TP53I13: variants seen among roughly 807,000 people sequenced by gnomAD.
TP53I13 encodes tumor protein p53 inducible protein 13.
A neutral mutation model predicts 39.1 loss-of-function variants in TP53I13; 27 were observed. The observed-to-expected ratio is 0.69, with a 90% confidence interval of 0.51 to 0.95. The LOEUF (loss-of-function observed/expected upper bound fraction) is 0.95, where lower values mean the gene tolerates loss of function less well. Ranked by LOEUF, TP53I13 falls within the 40% of genes least tolerant of loss-of-function variation. The pLI is 0.00. For synonymous variants in TP53I13, 230 were observed against 224.6 expected (o/e 1.02, Z -0.22); for missense variants, 544 against 520.4 (o/e 1.05, Z -0.44).
downstream of TP53I13, chr17:29,576,144 G>T (rs376729227): frequency 4.3e-6 from 7 of 1,613,372 alleles, no homozygotes; most frequent in Non-Finnish European, 5.9e-6. Flanking sequence ...GGGGATGTTA[G>T]CACAGCGAGC....
upstream of TP53I13, chr17:29,566,526 G>A: frequency 6.2e-7 from 1 of 1,610,256 alleles, no homozygotes; most frequent in Non-Finnish European, 8.5e-7. Context: ...TGATCCGGCG[G>A]CCCCGAACAC....
intron 2 of TP53I13, 42 bp downstream of exon 2, chr17:29,569,128 G>A: frequency 6.4e-7 from 1 of 1,556,896 alleles, no homozygotes; most frequent in Non-Finnish European, 8.7e-7. Flanking sequence ...GATGTGAAAG[G>A]CTAGCCCAGT....
the TP53I13 span, chr17:29,582,225 CT>C: frequency 8.4e-6 from 9 of 1,068,546 alleles, no homozygotes; most frequent in Non-Finnish European, 1.2e-5. Flanking sequence ...CTGGCTGCCC[CT>C]GGGACACCTA....
At chr17:29,575,725 C>T (rs747090312), downstream of TP53I13, 4 of 1,611,894 alleles carry the variant, frequency 2.5e-6, no homozygotes, top group Admixed American at 1.7e-5. The surrounding 1 kb of genome is among the most constrained non-coding windows in gnomAD (Gnocchi z 5.5). Flanking sequence ...AGGGAAGGGG[C>T]TGTGAGCGCC....
At position 29,572,290 on chromosome 17, in the gene TP53I13, G is replaced by C. The variant is rs374734172; in HGVS notation, c.662G>C (p.Arg221Thr). The change falls in exon 6 of 7, where the codon AGG becomes ACG. Residue 221 changes from arginine to threonine, a missense_variant. Arg to Thr is a moderately conservative substitution (Grantham distance 71). Transcript: ENST00000301057. The part of the protein sequence containing the change: ...LGPQPTRSAL[R>T]FPSASPGSLK... ...CCCCAGCCCACTCGCTCAGCCCTGA[G>C]GTTTCCCTCTGCTTCCCCAGGGAGC... 144 of 1,612,810 alleles carry C rather than the reference G, an allele frequency of 8.9e-5. 2 individuals carry two copies. Among genetic ancestry groups the C allele is most frequent in the East Asian group, 5.6e-4 (25 of 44,882 alleles).
chr17:29,578,919 C>A, the TP53I13 span: 1 of 1,607,276 alleles, frequency 6.2e-7, no homozygotes, highest in Non-Finnish European at 8.5e-7. Context: ...CCTCCCCGCC[C>A]TACCCCACCT....
chr17:29,574,948 CT>C (rs767429818), downstream of TP53I13: 135 of 1,523,430 alleles, frequency 8.9e-5, no homozygotes, highest in Non-Finnish European at 1.2e-4. Context: ...GGACCTTGGA[CT>C]TTAAGCCACC....
Position 29,569,378 on chromosome 17 carries a change from C to T in TP53I13, c.183+19C>T. Reference sequence around the variant, plus strand: ...AGGGCAGGTGAGTACAAGCAGGGGCCCACCACCCTTGGTGTCCACGCCTGG... The same window carrying T: ...AGGGCAGGTGAGTACAAGCAGGGGCTCACCACCCTTGGTGTCCACGCCTGG... On this transcript the variant is annotated intron_variant, in intron 3 of 6. Coordinates refer to ENST00000301057, the MANE Select transcript of TP53I13 (RefSeq NM_138349.4). The T allele has an allele frequency of 6.2e-7, 1 of 1,612,790 alleles. No individual in the cohort carries two copies. The highest frequency in any genetic ancestry group is 8.5e-7 in the Non-Finnish European group (1 of 1,179,432).
At position 29,572,478 on chromosome 17, in the gene TP53I13, T is replaced by G. The variant is rs1023327456; in HGVS notation, c.850T>G (p.Ser284Ala). Residue 284 changes from serine to alanine, a missense_variant, in exon 6 of 7, where the codon TCA becomes GCA. Coordinates refer to ENST00000301057, the MANE Select transcript of TP53I13 (RefSeq NM_138349.4). ...AGGCAGCCCAGGGGGCTGTGTCTGTTCAAGTCAGGCTTCCCCGGCCCCTCG... is the reference window on the plus strand; with the variant it reads ...AGGCAGCCCAGGGGGCTGTGTCTGTGCAAGTCAGGCTTCCCCGGCCCCTCG... ...GQGSPGGCVCSSQASPAPRAA... is the reference protein window; with the variant it reads ...GQGSPGGCVCASQASPAPRAA... 1.3e-6 allele frequency: 2 copies of G among 1,595,998 alleles called. No individual in the cohort carries two copies. Among genetic ancestry groups the G allele is most frequent in the African/African-American group, 2.7e-5 (2 of 74,542 alleles).
rs896690006 is a variant in TP53I13, at chr17:29,572,909, C to T, written c.1167C>T (p.Gly389=). Residue 389 remains glycine, a synonymous_variant, in exon 7 of 7, where the codon GGC becomes GGT. Transcript: ENST00000301057. The part of the protein sequence containing the change: ...LPPTPDSGPE[G]ESSE ...CCACGCCGGACAGCGGCCCGGAAGG[C>T]GAGAGCTCGGAGTGACGGCCTGGGA... 5 of 1,503,876 alleles carry T rather than the reference C, an allele frequency of 3.3e-6. No individual in the cohort carries two copies. The East Asian group carries it at 7.8e-5, about 24-fold the overall frequency. The allele number at this position is 1,503,876 out of a possible 1,614,324, so 93.2% of individuals were successfully genotyped here.
rs200497857 is a variant in TP53I13 at position 29,571,654 on chromosome 17, C to G, written c.247C>G (p.Leu83Val). ...AHPWLKLQLA[L>V]LAYACMANPS... ...TCCCTGGCTGAAGCTCCAGCTTGCCCTCCTGGCCTATGCTTGTATGGCTAA... is the reference window on the plus strand; with the variant it reads ...TCCCTGGCTGAAGCTCCAGCTTGCCGTCCTGGCCTATGCTTGTATGGCTAA... The change falls in exon 4 of 7, where the codon CTC (leucine) becomes GTC (valine). Residue 83 changes from leucine (L) to valine (V), a missense_variant. Coordinates refer to ENST00000301057, the MANE Select transcript of TP53I13 (RefSeq NM_138349.4). 1.2e-5 allele frequency: 19 copies of G among 1,614,192 alleles called. No individual in the cohort carries two copies. In the East Asian group the frequency reaches 4.2e-4, roughly 36 times the overall value.
At chr17:29,575,239 A>G (rs1321482833), downstream of TP53I13, 1 of 1,577,464 alleles carries the variant, frequency 6.3e-7, no homozygotes, top group South Asian at 1.2e-5. This position sits in a 1 kb window ranked among gnomAD's most constrained non-coding sequence, Gnocchi z 5.5. Flanking sequence ...GCAACACCCT[A>G]GAAGCCAACA....
Position 29,568,818 on chromosome 17 carries a change from G to A in TP53I13, c.60G>A (p.Leu20=). The change falls in exon 1 of 7, where the codon CTG becomes CTA. Residue 20 remains leucine, a synonymous_variant. Transcript: ENST00000301057. The surrounding 1 kb of genome is among the most constrained non-coding windows in gnomAD (Gnocchi z 4.5). ...TCCTGGCAGCCCTCGCGAGGCTCCT[G>A]GGTCCCAGCGAGGTAAGGTGACCCG... The part of the protein sequence containing the change: ...LLLLAALARL[L]GPSEVMAGPA... The A allele has an allele frequency of 6.3e-7, 1 of 1,599,490 alleles. No homozygotes were observed. Among genetic ancestry groups the A allele is most frequent in the Non-Finnish European group, 8.5e-7 (1 of 1,179,460 alleles).
upstream of TP53I13, chr17:29,568,635 C>G: frequency 1.8e-6 from 1 of 563,480 alleles, no homozygotes; most frequent in Non-Finnish European, 2.2e-6. The surrounding 1 kb of genome is among the most constrained non-coding windows in gnomAD (Gnocchi z 4.5). Flanking sequence ...CGCGCGAGCC[C>G]AGGGCCAACG....
At chr17:29,575,813 G>C (rs755275423), downstream of TP53I13, 1 of 1,612,676 alleles carries the variant, frequency 6.2e-7, no homozygotes, top group Non-Finnish European at 8.5e-7. The surrounding 1 kb of genome is among the most constrained non-coding windows in gnomAD (Gnocchi z 5.5). Flanking sequence ...AAACATTACC[G>C]TGTGGCGGCT....
At chr17:29,566,874 G>A, upstream of TP53I13, 1 of 1,503,416 alleles carries the variant, frequency 6.7e-7, no homozygotes, top group Non-Finnish European at 8.8e-7. Flanking sequence ...CTCCGACGGC[G>A]CGCCCCCAGG....
chr17:29,567,054 G>T, upstream of TP53I13: 6 of 1,144,746 alleles, frequency 5.2e-6, no homozygotes, highest in Non-Finnish European at 6.5e-6. The surrounding 1 kb of genome is among the most constrained non-coding windows in gnomAD (Gnocchi z 6.6). Context: ...CCGCCCGCCG[G>T]CGGCGGCTGC....
downstream of TP53I13, chr17:29,575,456 C>T (rs779151496): frequency 9.3e-6 from 15 of 1,607,084 alleles, no homozygotes; most frequent in East Asian, 2.2e-5. This position sits in a 1 kb window ranked among gnomAD's most constrained non-coding sequence, Gnocchi z 5.5. Flanking sequence ...CTCTAGAAAC[C>T]TCTTCCCTTC....
chr17:29,571,438 C>G (rs945040499), intron 3 of TP53I13, 153 bp from the exon 4 acceptor site: 1 of 1,011,014 alleles, frequency 9.9e-7, no homozygotes. Flanking sequence ...CATGCCAATA[C>G]CCAGGGCCCT....
Sources: gnomAD v4.1 joint callset for allele counts on GRCh38, gnomAD v4.1.1 for gene constraint, Gnocchi (gnomAD v3.1) non-coding constraint, MANE v1.5 for transcripts, NCBI Gene and HGNC (gene_info 2026-07-23, HGNC 2026-07-21) for gene names.